SPIDR: variants seen among roughly 807,000 people sequenced by gnomAD.
The protein encoded by SPIDR is scaffold protein involved in DNA repair.
A neutral mutation model predicts 104.6 loss-of-function variants in SPIDR; 93 were observed. The ratio of observed to expected loss-of-function variants is 0.89; its 90% CI spans 0.75 to 1.06. The LOEUF (loss-of-function observed/expected upper bound fraction) is 1.06, where lower values mean the gene tolerates loss of function less well. Among genes scored for constraint, SPIDR ranks in the 50% least tolerant of loss-of-function variants. The probability of loss-of-function intolerance (pLI) is 0.00; values close to 1 mark genes in which losing one functional copy is unlikely to be tolerated. For missense variants in SPIDR, 1,154 were observed against 1,111.2 expected (o/e 1.04, Z -0.55); for synonymous variants, 431 against 416.9 (o/e 1.03, Z -0.41).
chr8:47,304,947 T>A (rs2042870897), intron 5 of SPIDR, among the ~76,000 whole-genome samples: 1 of 152,222 alleles, frequency 6.6e-6, no homozygotes, highest in East Asian at 1.9e-4. Flanking sequence ...TTTCTGTCCC[T>A]TGCTCTCACC....
In SPIDR at chr8:47,307,882, T is replaced by C. The variant is rs1285509688; in HGVS notation, c.525+13852T>C. On this transcript the variant is annotated intron_variant, in intron 5 of 19. Transcript: ENST00000297423. ...TAAAACAGTTGTCATAAAGTCTTTC[T>C]CTGGAAGGTCTGCCATCAGGTCTTT... Among the ~76,000 whole-genome samples, 5 of 152,150 alleles carry C rather than the reference T, an allele frequency of 3.3e-5. No homozygotes were observed. In the East Asian group the frequency reaches 9.6e-4, roughly 29 times the overall value.
chr8:47,438,222 A>G (rs985728860), intron 7 of SPIDR, among the ~76,000 whole-genome samples: 15 of 152,350 alleles, frequency 9.8e-5, no homozygotes, highest in Admixed American at 6.5e-4. Context: ...AGAAGTGGCC[A>G]TGGAGCCCTG....
At chr8:47,373,089 G>T (rs2154296166) in intron 5 of SPIDR, among the ~76,000 whole-genome samples, 2 of 152,266 alleles carry the variant, frequency 1.3e-5, no homozygotes, top group Admixed American at 1.3e-4. Context: ...AAAATATTCA[G>T]TACACTACTG....
intron 10 of SPIDR, among the ~76,000 whole-genome samples, chr8:47,639,218 G>C (rs533852091): frequency 6.6e-6 from 1 of 152,172 alleles, no homozygotes; most frequent in African/African-American, 2.4e-5. Flanking sequence ...AATCGTCCAC[G>C]TGTGCTCCTT....
intron 3 of SPIDR, among the ~76,000 whole-genome samples, chr8:47,287,534 C>T (rs940356785): frequency 6.6e-6 from 1 of 151,982 alleles, no homozygotes; most frequent in Admixed American, 6.6e-5. Context: ...CCAGAGTGGC[C>T]GTTTATAGAC....
intron 5 of SPIDR, among the ~76,000 whole-genome samples, chr8:47,360,603 C>T (rs1363821176): frequency 6.6e-6 from 1 of 152,188 alleles, no homozygotes; most frequent in Non-Finnish European, 1.5e-5. Context: ...TGTTGGTAAA[C>T]TCCAGCCAGC....
intron 10 of SPIDR, among the ~76,000 whole-genome samples, chr8:47,648,556 A>C (rs2071003380): frequency 6.6e-6 from 1 of 152,306 alleles, no homozygotes; most frequent in Non-Finnish European, 1.5e-5. Context: ...CTCTACTAAG[A>C]GGCTCTGGGA....
chr8:47,518,939 G>A (rs1001866825), intron 8 of SPIDR, among the ~76,000 whole-genome samples: 6 of 152,050 alleles, frequency 3.9e-5, no homozygotes, highest in African/African-American at 1.4e-4. Flanking sequence ...CTGGCCTCAA[G>A]TCTTATGCTA....
intron 15 of SPIDR, 58 bp from the exon 16 acceptor site, chr8:47,713,431 T>C (rs552411646): frequency 1.2e-6 from 2 of 1,610,172 alleles, no homozygotes; most frequent in African/African-American, 2.7e-5. Flanking sequence ...ACTGCCATTA[T>C]GGGCACAATT....
In SPIDR at chr8:47,438,091, G is replaced by C. The variant is rs372289283; in HGVS notation, c.878-2232G>C. Among the ~76,000 whole-genome samples, 39 of 152,370 alleles carry C rather than the reference G, an allele frequency of 2.6e-4. 1 individual carries two copies. The highest frequency in any genetic ancestry group is 9.1e-4 in the African/African-American group (38 of 41,594). On this transcript the variant is annotated intron_variant, in intron 7 of 19. Coordinates refer to ENST00000297423, the MANE Select transcript of SPIDR (RefSeq NM_001080394.4). Reference sequence around the variant, plus strand: ...CAAGACAAGAATTAGTTTCTGAAGAGAGCTTGTGCTGCTTGGGCAGGCAGC... The same window carrying C: ...CAAGACAAGAATTAGTTTCTGAAGACAGCTTGTGCTGCTTGGGCAGGCAGC...
At chr8:47,456,909 C>T (rs1554710163) in intron 8 of SPIDR, among the ~76,000 whole-genome samples, 2 of 152,164 alleles carry the variant, frequency 1.3e-5, no homozygotes, top group East Asian at 1.9e-4. Flanking sequence ...CCAATCCCAT[C>T]TAAGTTGCTG....
intron 7 of SPIDR, among the ~76,000 whole-genome samples, chr8:47,422,412 T>C (rs909413732): frequency 6.6e-6 from 1 of 152,150 alleles, no homozygotes; most frequent in Non-Finnish European, 1.5e-5. Flanking sequence ...CCGAGCCACG[T>C]GCGGGATACA....
chr8:47,502,438 A>C (rs1195447455), intron 8 of SPIDR, among the ~76,000 whole-genome samples: 1 of 152,072 alleles, frequency 6.6e-6, no homozygotes, highest in Non-Finnish European at 1.5e-5. Context: ...AGAGGTGTTT[A>C]TATTATTCTC....
intron 5 of SPIDR, among the ~76,000 whole-genome samples, chr8:47,307,460 C>T (rs2043277803): frequency 6.6e-6 from 1 of 151,490 alleles, no homozygotes; most frequent in African/African-American, 2.4e-5. Context: ...CTCAGGTGAT[C>T]CACCCACCTT....
At chr8:47,701,920 G>A (rs1361883863) in intron 13 of SPIDR, 36 bp from the exon 14 acceptor site, 4 of 1,614,118 alleles carry the variant, frequency 2.5e-6, no homozygotes, top group African/African-American at 1.3e-5. Context: ...TGTGTGCTTC[G>A]TGTAATGCTG....
intron 5 of SPIDR, among the ~76,000 whole-genome samples, chr8:47,330,433 A>T (rs2048467950): frequency 6.6e-6 from 1 of 152,212 alleles, no homozygotes; most frequent in South Asian, 2.1e-4. Flanking sequence ...AGTTTGAACA[A>T]ATGTATAAAA....
intron 5 of SPIDR, among the ~76,000 whole-genome samples, chr8:47,336,809 G>T (rs2049848945): frequency 6.6e-6 from 1 of 152,150 alleles, no homozygotes; most frequent in Non-Finnish European, 1.5e-5. Context: ...CAAATTGTTA[G>T]ATCATGTTAT....
intron 15 of SPIDR, 155 bp from the exon 16 acceptor site, chr8:47,713,334 A>C: frequency 9.5e-7 from 1 of 1,051,824 alleles, no homozygotes; most frequent in Admixed American, 2.0e-5. Flanking sequence ...CATGGGGTTC[A>C]GGAGTGTGCA....
At chr8:47,520,137 T>C (rs1208439682) in intron 8 of SPIDR, among the ~76,000 whole-genome samples, 1 of 152,200 alleles carries the variant, frequency 6.6e-6, no homozygotes, top group African/African-American at 2.4e-5. Flanking sequence ...TCCCACTTAG[T>C]TATCTTTAGT....
Sources: allele counts gnomAD v4.1 joint callset (sites outside exome capture counted in the v4.1 genomes callset), GRCh38; gene constraint gnomAD v4.1.1; transcripts MANE v1.5; gene names NCBI Gene and HGNC (gene_info 2026-07-23, HGNC 2026-07-21).